The following PTPRN2 variants were observed in gnomAD, a reference collection of about 807,000 sequenced individuals.
PTPRN2 encodes the protein protein tyrosine phosphatase receptor type N2, also known as receptor-type tyrosine-protein phosphatase N2.
PTPRN2 carries 74 observed loss-of-function variants against 118.8 expected under a neutral mutation model. The observed-to-expected ratio is 0.62, with a 90% CI of 0.52 to 0.76. The LOEUF (loss-of-function observed/expected upper bound fraction) is 0.76, where lower values mean the gene tolerates loss of function less well. PTPRN2 is among the 30% of genes least tolerant of loss of function. The pLI is 0.00. For missense variants in PTPRN2, 1,481 were observed against 1,394.4 expected, an observed-to-expected ratio of 1.06 and a Z score of -0.99; for synonymous variants, 641 against 608.0, an observed-to-expected ratio of 1.05 and a Z score of -0.80.
rs553638856 is a variant in PTPRN2 at position 157,785,637 on chromosome 7, G to T, written c.1789-102700C>A. On this transcript the variant is annotated intron_variant, in intron 12 of 22. Coordinates refer to ENST00000389418, the MANE Select transcript of PTPRN2 (RefSeq NM_002847.5). The surrounding 1 kb of genome is among the most constrained non-coding windows in gnomAD (Gnocchi z 7.3). Reference sequence around the variant, plus strand: ...ACCAGGGTCCCTGCTTTCTGCAGACGGTGGGCAGAGGGCAGAGACGGAGAC... The same window carrying T: ...ACCAGGGTCCCTGCTTTCTGCAGACTGTGGGCAGAGGGCAGAGACGGAGAC... 1.3e-5 allele frequency among the ~76,000 whole-genome samples: 2 copies of T among 152,316 alleles called. No individual in the cohort carries two copies. Among genetic ancestry groups the T allele is most frequent in the Admixed American group, 6.5e-5 (1 of 15,306 alleles).
intron 2 of PTPRN2, among the ~76,000 whole-genome samples, chr7:158,390,869 G>C (rs879649590): frequency 6.6e-6 from 1 of 152,314 alleles, no homozygotes; most frequent in Admixed American, 6.5e-5. Flanking sequence ...AAAAATGGAG[G>C]GGCAGGAAGG....
At chr7:158,273,104 G>T (rs1266099086) in intron 3 of PTPRN2, among the ~76,000 whole-genome samples, 1 of 149,266 alleles carries the variant, frequency 6.7e-6, no homozygotes, top group Non-Finnish European at 1.5e-5. Context: ...CAGGGCTGTG[G>T]GACGAAGGGG....
intron 12 of PTPRN2, among the ~76,000 whole-genome samples, chr7:157,851,488 T>A (rs1010231087): frequency 6.6e-5 from 10 of 151,990 alleles, no homozygotes; most frequent in Admixed American, 5.9e-4. Flanking sequence ...ATCACTGAGG[T>A]TCCGGGCACA....
chr7:158,070,682 GTGGTGGCGGAGGTGCCCC>G (rs1342679689), intron 11 of PTPRN2, among the ~76,000 whole-genome samples: 5 of 72,548 alleles, frequency 6.9e-5, no homozygotes, highest in East Asian at 4.4e-4. Flanking sequence ...GGAGGTGCCC[GTGGTGGCGGAGGTGCCCC>G]TGGTGGCGGA....
At chr7:158,252,150 A>C (rs547240684) in intron 3 of PTPRN2, among the ~76,000 whole-genome samples, 57 of 152,208 alleles carry the variant, frequency 3.7e-4, no homozygotes, top group Admixed American at 2.1e-3. Context: ...TGGTTGCCGC[A>C]CAGCCTCAAG....
intron 2 of PTPRN2, among the ~76,000 whole-genome samples, chr7:158,472,139 C>T (rs1819906653): frequency 6.6e-6 from 1 of 152,240 alleles, no homozygotes; most frequent in Non-Finnish European, 1.5e-5. Flanking sequence ...CTTTTGCCAG[C>T]ATCATAGAGA....
chr7:157,871,962 G>GC (rs1811077549), intron 12 of PTPRN2, among the ~76,000 whole-genome samples: 1 of 117,388 alleles, frequency 8.5e-6, no homozygotes, highest in South Asian at 3.0e-4. Context: ...CATACCCAGC[G>GC]CTTCCCCACA....
chr7:157,696,219 G>A (rs1797767435), intron 12 of PTPRN2, among the ~76,000 whole-genome samples: 3 of 143,778 alleles, frequency 2.1e-5, no homozygotes. Flanking sequence ...TCTTGGCAGA[G>A]CCCTCACCAT....
At chr7:158,135,492 A>G (rs1339129383) in intron 8 of PTPRN2, among the ~76,000 whole-genome samples, 2 of 152,186 alleles carry the variant, frequency 1.3e-5, no homozygotes, top group African/African-American at 4.8e-5. Flanking sequence ...CAACACTCAC[A>G]TACCCTTTTT....
intron 14 of PTPRN2, among the ~76,000 whole-genome samples, chr7:157,646,270 G>T (rs141721886): frequency 6.6e-6 from 1 of 152,272 alleles, no homozygotes; most frequent in East Asian, 1.9e-4. Context: ...GGGTGGTTTA[G>T]ACCATCCCCT....
At chr7:157,940,427 C>A (rs1046668826) in intron 11 of PTPRN2, among the ~76,000 whole-genome samples, 4 of 152,108 alleles carry the variant, frequency 2.6e-5, no homozygotes, top group African/African-American at 9.7e-5. Context: ...CTCACTGTTA[C>A]AGAAATCTAA....
intron 12 of PTPRN2, among the ~76,000 whole-genome samples, chr7:157,706,458 G>C (rs1203813516): frequency 1.3e-5 from 2 of 151,906 alleles, no homozygotes; most frequent in Non-Finnish European, 2.9e-5. Context: ...CAGAATGTTA[G>C]GAACTGAGCA....
intron 2 of PTPRN2, among the ~76,000 whole-genome samples, chr7:158,453,571 C>T (rs112098045): frequency 0.083 from 12,544 of 151,772 alleles, 575 homozygotes; most frequent in Middle Eastern, 0.1. Context: ...TGGCAGCTGC[C>T]GCAGGACCTC....
intron 12 of PTPRN2, among the ~76,000 whole-genome samples, chr7:157,811,335 TATA>T (rs1563134443): frequency 1.2e-4 from 2 of 16,366 alleles, no homozygotes; most frequent in Admixed American, 3.9e-4. Context: ...TACTCTATTA[TATA>T]TATATATATA....
chr7:158,273,401 G>C (rs1198036274), intron 3 of PTPRN2, among the ~76,000 whole-genome samples: 2 of 144,886 alleles, frequency 1.4e-5, no homozygotes, highest in African/African-American at 2.6e-5. Context: ...TGCAGACACG[G>C]GAGGAGCCGC....
intron 12 of PTPRN2, among the ~76,000 whole-genome samples, chr7:157,817,238 C>A (rs1464999053): frequency 6.6e-6 from 1 of 152,202 alleles, no homozygotes; most frequent in African/African-American, 2.4e-5. Flanking sequence ...ACACGTCTGG[C>A]TCTGCTTCCC....
chr7:158,458,442 T>C (rs2129441887), intron 2 of PTPRN2, among the ~76,000 whole-genome samples: 1 of 152,246 alleles, frequency 6.6e-6, no homozygotes, highest in Non-Finnish European at 1.5e-5. Flanking sequence ...GAATTCTGAT[T>C]TGTCAAGAGG....
chr7:157,713,987 CA>C (rs1056219321), intron 12 of PTPRN2, among the ~76,000 whole-genome samples: 2 of 152,202 alleles, frequency 1.3e-5, no homozygotes, highest in African/African-American at 4.8e-5. Flanking sequence ...TCCAAGCTTT[CA>C]ATTGAGTGAT....
At chr7:158,329,194 G>A (rs969359655) in intron 2 of PTPRN2, among the ~76,000 whole-genome samples, 32 of 152,208 alleles carry the variant, frequency 2.1e-4, no homozygotes, top group South Asian at 6.2e-4. Context: ...CCGGCCAGGC[G>A]GGGCAGGGGG....
Sources: allele counts gnomAD v4.1 joint callset (sites outside exome capture counted in the v4.1 genomes callset), GRCh38; gene constraint gnomAD v4.1.1; non-coding constraint Gnocchi (gnomAD v3.1); transcripts MANE v1.5; gene names NCBI Gene and HGNC (gene_info 2026-07-23, HGNC 2026-07-21).